The following ATP2B4 variants were observed in gnomAD, a reference collection of about 807,000 sequenced individuals.
The protein encoded by ATP2B4 is plasma membrane calcium-transporting ATPase 4.
ATP2B4 carries 39 observed loss-of-function variants against 110.3 expected under a neutral mutation model. The ratio of observed to expected loss-of-function variants is 0.35; its 90% CI spans 0.27 to 0.46. ATP2B4 has a LOEUF of 0.46. Among genes scored for constraint, ATP2B4 ranks in the 20% least tolerant of loss-of-function variants. The pLI, the probability that ATP2B4 is intolerant of heterozygous loss-of-function variation, is 1.00. For missense variants in ATP2B4, 1,135 were observed against 1,530.9 expected (o/e 0.74, Z 4.32); for synonymous variants, 538 against 571.7 (o/e 0.94, Z 0.84).
intron 8 of ATP2B4, among the ~76,000 whole-genome samples, chr1:203,705,923 C>G (rs917288148): frequency 2.0e-5 from 3 of 152,150 alleles, no homozygotes; most frequent in African/African-American, 4.8e-5. Flanking sequence ...AAGCAAAGAA[C>G]GGAAGAATTT....
At chr1:203,735,014 A>G (rs1205229664) in intron 20 of ATP2B4, among the ~76,000 whole-genome samples, 1 of 151,516 alleles carries the variant, frequency 6.6e-6, no homozygotes, top group Non-Finnish European at 1.5e-5. Context: ...AAAAAAAAAA[A>G]AAAAAAAAAA....
At chr1:203,643,718 T>C (rs557372398) in intron 1 of ATP2B4, among the ~76,000 whole-genome samples, 31 of 152,292 alleles carry the variant, frequency 2.0e-4, no homozygotes, top group Admixed American at 1.2e-3. Flanking sequence ...TGATGGGAGA[T>C]GGTTTCAGAT....
chr1:203,649,196 G>T (rs995249284), intron 1 of ATP2B4, among the ~76,000 whole-genome samples: 2 of 152,146 alleles, frequency 1.3e-5, no homozygotes, highest in Admixed American at 6.5e-5. Context: ...TCTTGAGTAG[G>T]GTGGCTTCTC....
chr1:203,721,184 T>C lies in ATP2B4; in HGVS notation c.2599-13T>C. On this transcript the variant is annotated splice_polypyrimidine_tract_variant and intron_variant, in intron 16 of 20. Transcript: ENST00000357681. ...AGAGAAAAGCTAAAAGGACTGGTTC[T>C]TCTCCCCGCCAGGATTCCCCATTGA... The C allele has an allele frequency of 6.2e-7, 1 of 1,613,588 alleles. No homozygotes were observed. Among genetic ancestry groups the C allele is most frequent in the Non-Finnish European group, 8.5e-7 (1 of 1,179,532 alleles).
At chr1:203,686,490 T>C (rs1164628329) in intron 2 of ATP2B4, among the ~76,000 whole-genome samples, 2 of 152,076 alleles carry the variant, frequency 1.3e-5, no homozygotes, top group Non-Finnish European at 2.9e-5. Flanking sequence ...TATCAAATGT[T>C]ATAGACATAG....
chr1:203,723,837 T>C, intron 18 of ATP2B4, 44 bp from the exon 19 acceptor site: 1 of 1,498,876 alleles, frequency 6.7e-7, no homozygotes, highest in Non-Finnish European at 9.1e-7. Flanking sequence ...CAGCTGCCTG[T>C]TAGTCATTTC....
At chr1:203,628,502 C>G (rs1663158133) in intron 1 of ATP2B4, among the ~76,000 whole-genome samples, 1 of 152,114 alleles carries the variant, frequency 6.6e-6, no homozygotes, top group Admixed American at 6.5e-5. Context: ...AAGAAATAGG[C>G]CGGTACTCAA....
Position 203,703,827 on chromosome 1 carries a change from A to C in ATP2B4, c.1099+14A>C. 6.2e-7 allele frequency: 1 copy of C among 1,612,012 alleles called. No individual in the cohort carries two copies. The highest frequency in any genetic ancestry group is 1.1e-5 in the South Asian group (1 of 90,862). ...TTGGGAAAGCCGGTGAGTAGGGTAGAGCCTCGTTGTGGTTTATCAATGTTG... is the reference window on the plus strand; with the variant it reads ...TTGGGAAAGCCGGTGAGTAGGGTAGCGCCTCGTTGTGGTTTATCAATGTTG... On this transcript the variant is annotated intron_variant, in intron 8 of 20. Coordinates refer to ENST00000357681, the MANE Select transcript of ATP2B4 (RefSeq NM_001684.5).
chr1:203,699,726 T>C lies in ATP2B4; in HGVS notation c.649+9T>C. 1.9e-6 allele frequency: 3 copies of C among 1,612,008 alleles called. No homozygotes were observed. The highest frequency in any genetic ancestry group is 3.5e-4 in the Middle Eastern group (2 of 5,668). ...TGCCCAAGTCAAATACGGTGAGAGCTCCGTGTTTCTTTTGCTTACCCCACC... is the reference window on the plus strand; with the variant it reads ...TGCCCAAGTCAAATACGGTGAGAGCCCCGTGTTTCTTTTGCTTACCCCACC... On this transcript the variant is annotated intron_variant, in intron 4 of 20. Transcript: ENST00000357681.
chr1:203,728,641 T>C (rs1205865293), intron 20 of ATP2B4, among the ~76,000 whole-genome samples: 1 of 151,940 alleles, frequency 6.6e-6, no homozygotes, highest in African/African-American at 2.4e-5. Context: ...GTGGATCACC[T>C]GAGGTCGGGA....
chr1:203,686,173 G>T (rs1455286383), intron 2 of ATP2B4, among the ~76,000 whole-genome samples: 3 of 152,054 alleles, frequency 2.0e-5, no homozygotes, highest in Non-Finnish European at 4.4e-5. Flanking sequence ...GACTGCTGAG[G>T]GTCTGTTCTT....
At position 203,677,942 on chromosome 1, in the gene ATP2B4, C is replaced by T. The variant is rs1300456000; in HGVS notation, c.-464-4800C>T. Among the ~76,000 whole-genome samples the T allele has an allele frequency of 1.3e-4, 20 of 152,316 alleles. No homozygotes were observed. In the East Asian group the frequency reaches 3.3e-3, roughly 25 times the overall value. ...TCCTGAGCAGAGGCTCTCAGCCCAT[C>T]GGGGAAGGACAGAGTAGGGCAGGGC... On this transcript the variant is annotated intron_variant, in intron 1 of 20. Transcript: ENST00000357681.
At chr1:203,638,579 C>T (rs1184753178) in intron 1 of ATP2B4, among the ~76,000 whole-genome samples, 3 of 152,074 alleles carry the variant, frequency 2.0e-5, no homozygotes, top group South Asian at 2.1e-4. Flanking sequence ...ACTGGCACCT[C>T]GAGACTTGCC....
Position 203,739,839 on chromosome 1 carries a change from A to G in ATP2B4, c.3603A>G (p.Leu1201=). Residue 1201 remains leucine, a synonymous_variant, in exon 21 of 21, where the codon CTA becomes CTG. Transcript: ENST00000357681. ...AGTCGGACAGCTCTCTACAGAGCCT[A>G]GAGACATCAGTTTGAATTTTCTTTC... ...LPQSDSSLQS[L]ETSV is the part of the protein sequence containing the mutation. 2 of 1,606,366 alleles carry G rather than the reference A, an allele frequency of 1.2e-6. No individual in the cohort carries two copies. Among genetic ancestry groups the G allele is most frequent in the Non-Finnish European group, 1.7e-6 (2 of 1,175,550 alleles).
intron 19 of ATP2B4, 99 bp from the exon 20 acceptor site, chr1:203,727,296 C>A: frequency 7.1e-7 from 1 of 1,414,752 alleles, no homozygotes; most frequent in Non-Finnish European, 9.6e-7. Context: ...GGTGGTAGGG[C>A]AAAGAGTAAC....
At chr1:203,686,005 CAA>C (rs764959663) in intron 2 of ATP2B4, among the ~76,000 whole-genome samples, 5 of 136,520 alleles carry the variant, frequency 3.7e-5, no homozygotes, top group African/African-American at 2.7e-5. Context: ...TTCTTAATCA[CAA>C]AAAAAAAAAA....
intron 7 of ATP2B4, among the ~76,000 whole-genome samples, chr1:203,703,437 T>G (rs1379600159): frequency 6.6e-6 from 1 of 152,146 alleles, no homozygotes; most frequent in Non-Finnish European, 1.5e-5. Context: ...GCACCCCAGT[T>G]TCATCTAAAC....
chr1:203,672,116 G>A (rs1346585190), intron 1 of ATP2B4, among the ~76,000 whole-genome samples: 1 of 152,176 alleles, frequency 6.6e-6, no homozygotes, highest in Admixed American at 6.5e-5. Flanking sequence ...GAAGACCCTG[G>A]GGTTTGGCGT....
intron 1 of ATP2B4, among the ~76,000 whole-genome samples, chr1:203,634,992 G>A (rs1281314748): frequency 6.6e-6 from 1 of 151,634 alleles, no homozygotes; most frequent in Non-Finnish European, 1.5e-5. Flanking sequence ...ATTATTTTTT[G>A]AGATGGAGTT....
Sources: allele counts gnomAD v4.1 joint callset (sites outside exome capture counted in the v4.1 genomes callset), GRCh38; gene constraint gnomAD v4.1.1; transcripts MANE v1.5; gene names NCBI Gene and HGNC (gene_info 2026-07-23, HGNC 2026-07-21).